AKR1E2: variants seen among roughly 807,000 people sequenced by gnomAD.
AKR1E2 encodes the protein aldo-keto reductase family 1 member E2.
A neutral mutation model predicts 41.9 loss-of-function variants in AKR1E2; 43 were observed. The observed-to-expected ratio is 1.03, with a 90% CI of 0.80 to 1.32. AKR1E2 has a LOEUF of 1.32. AKR1E2 is among the 40% of genes most tolerant of loss of function. The pLI, the probability that AKR1E2 is intolerant of heterozygous loss-of-function variation, is 0.00. For missense variants in AKR1E2, 423 were observed against 396.5 expected (o/e 1.07, Z -0.57); for synonymous variants, 121 against 138.9 (o/e 0.87, Z 0.91).
At chr10:4,839,304 A>G (rs1400967712) in intron 5 of AKR1E2, among the ~76,000 whole-genome samples, 3 of 152,240 alleles carry the variant, frequency 2.0e-5, no homozygotes, top group South Asian at 4.1e-4. Context: ...AATTCAAACA[A>G]AAATCTCTAT....
At chr10:4,850,328 T>C (rs765139009), downstream of AKR1E2, among the ~76,000 whole-genome samples, 1 of 152,216 alleles carries the variant, frequency 6.6e-6, no homozygotes, top group Non-Finnish European at 1.5e-5. Flanking sequence ...CTTCTCCTCA[T>C]TGGCACTTTC....
Position 4,837,440 on chromosome 10 carries a change from C to A in AKR1E2, c.460-19C>A, listed in dbSNP as rs747526297. On this transcript the variant is annotated intron_variant, in intron 4 of 9. Coordinates refer to ENST00000298375, the MANE Select transcript of AKR1E2 (RefSeq NM_001040177.3). ...CAGTAGACAGAAGCTTCACACCCAGCAGAGTCGTTCTCTTATAGGCCATGG... is the reference window on the plus strand; with the variant it reads ...CAGTAGACAGAAGCTTCACACCCAGAAGAGTCGTTCTCTTATAGGCCATGG... The A allele has an allele frequency of 6.2e-7, 1 of 1,613,196 alleles. No individual in the cohort carries two copies. The highest frequency in any genetic ancestry group is 1.1e-5 in the South Asian group (1 of 91,032).
At chr10:4,827,881 A>G (rs1832669786) in intron 1 of AKR1E2, among the ~76,000 whole-genome samples, 1 of 152,138 alleles carries the variant, frequency 6.6e-6, no homozygotes, top group African/African-American at 2.4e-5. Flanking sequence ...TTTCTGCAAC[A>G]ATTTGGTGCA....
chr10:4,849,029 T>A (rs2924264), downstream of AKR1E2, among the ~76,000 whole-genome samples: 28 of 152,078 alleles, frequency 1.8e-4, 1 homozygote, highest in African/African-American at 6.0e-4. Flanking sequence ...TGTGCAGGGA[T>A]GTGTAGAAAC....
chr10:4,834,691 T>C (rs1869221), intron 3 of AKR1E2, among the ~76,000 whole-genome samples: 31,050 of 152,216 alleles, frequency 0.2, 3,357 homozygotes, highest in Middle Eastern at 0.34. Context: ...CCCAGAAGCA[T>C]ATGCTCAGGT....
chr10:4,859,835 A>G, the AKR1E2 span, among the ~76,000 whole-genome samples: 3 of 152,218 alleles, frequency 2.0e-5, no homozygotes, highest in African/African-American at 7.2e-5. Context: ...GCTCTGTGTA[A>G]GATCAGAATT....
At chr10:4,838,518 A>G (rs1422770285) in intron 5 of AKR1E2, among the ~76,000 whole-genome samples, 1 of 152,222 alleles carries the variant, frequency 6.6e-6, no homozygotes, top group East Asian at 1.9e-4. Flanking sequence ...TTGAATAAAT[A>G]TGCTTTTTAA....
intron 8 of AKR1E2, 128 bp downstream of exon 8, chr10:4,842,632 T>C (rs1168598999): frequency 1.3e-6 from 1 of 753,464 alleles, no homozygotes; most frequent in Non-Finnish European, 2.2e-6. Context: ...CTCTGCACTG[T>C]GGGTGTTGGT....
At chr10:4,854,085 GTTTTTTTTTTTTTTTTTT>G in the AKR1E2 span, among the ~76,000 whole-genome samples, 1 of 129,308 alleles carries the variant, frequency 7.7e-6, no homozygotes, top group Non-Finnish European at 1.6e-5. Flanking sequence ...CTCCTTTACT[GTTTTTTTTTTTTTTTTTT>G]TTTTTTTTTA....
At chr10:4,838,589 T>C (rs1833621000) in intron 5 of AKR1E2, among the ~76,000 whole-genome samples, 1 of 152,078 alleles carries the variant, frequency 6.6e-6, no homozygotes, top group Non-Finnish European at 1.5e-5. Context: ...ATACATAGCT[T>C]GATGAATTTT....
chr10:4,833,709 T>G (rs924526026), intron 3 of AKR1E2, among the ~76,000 whole-genome samples: 1 of 152,190 alleles, frequency 6.6e-6, no homozygotes, highest in African/African-American at 2.4e-5. Flanking sequence ...GTCGCTTTTT[T>G]TCCAAGCCAA....
chr10:4,829,048 C>T (rs1272682665), intron 1 of AKR1E2, among the ~76,000 whole-genome samples: 1 of 152,062 alleles, frequency 6.6e-6, no homozygotes, highest in Non-Finnish European at 1.5e-5. Flanking sequence ...ATTGCTTCTT[C>T]TTAGTTGTTC....
At chr10:4,852,742 G>C (rs1186046210), downstream of AKR1E2, among the ~76,000 whole-genome samples, 1 of 152,130 alleles carries the variant, frequency 6.6e-6, no homozygotes, top group Non-Finnish European at 1.5e-5. Context: ...TTATTTTGTT[G>C]TTTTTGTTCT....
the AKR1E2 span, among the ~76,000 whole-genome samples, chr10:4,859,247 A>T: frequency 6.6e-6 from 1 of 152,206 alleles, no homozygotes; most frequent in Non-Finnish European, 1.5e-5. Context: ...TTAGGATACA[A>T]ATATGAATGA....
Position 4,847,813 on chromosome 10 carries a change from TTA to T in AKR1E2, c.*285_*286del. ...TTTGCCTTCACATTTTAAGAAAACT[TTA>T]TCTTATGGAGTTATTTAAGCCATCT... On this transcript the variant is annotated 3_prime_UTR_variant, in exon 10 of 10. Transcript: ENST00000298375. 2.2e-6 allele frequency: 1 copy of T among 450,666 alleles called. No homozygotes were observed. Among genetic ancestry groups the T allele is most frequent in the Middle Eastern group, 5.7e-4 (1 of 1,762 alleles). 27.9% of individuals were successfully genotyped at this position (450,666 alleles called of 1,614,324 possible). A position where few individuals can be genotyped will look rare whatever the true frequency, so the allele number is the denominator to read the frequency against.
chr10:4,849,599 A>G (rs940337463), downstream of AKR1E2, among the ~76,000 whole-genome samples: 22 of 152,234 alleles, frequency 1.4e-4, no homozygotes, highest in African/African-American at 5.3e-4. Flanking sequence ...GGTGGTTACC[A>G]GAGGCTGGGG....
intron 1 of AKR1E2, among the ~76,000 whole-genome samples, chr10:4,830,063 C>T (rs557542353): frequency 6.6e-6 from 1 of 152,248 alleles, no homozygotes; most frequent in South Asian, 2.1e-4. Context: ...CGTGAAGCTC[C>T]AGTGAGAAAG....
At chr10:4,859,419 G>A in the AKR1E2 span, among the ~76,000 whole-genome samples, 1 of 152,192 alleles carries the variant, frequency 6.6e-6, no homozygotes, top group African/African-American at 2.4e-5. Flanking sequence ...CTGGATATAA[G>A]ATAAGACATT....
chr10:4,869,444 G>C, the AKR1E2 span, among the ~76,000 whole-genome samples: 16 of 151,888 alleles, frequency 1.1e-4, no homozygotes, highest in Admixed American at 5.2e-4. Context: ...CTAGAAGCTT[G>C]CTTGAACTTT....
Sources: allele counts gnomAD v4.1 joint callset (sites outside exome capture counted in the v4.1 genomes callset), GRCh38; gene constraint gnomAD v4.1.1; transcripts MANE v1.5; gene names NCBI Gene and HGNC (gene_info 2026-07-23, HGNC 2026-07-21).